The following TENM3 variants were observed in gnomAD, a reference collection of about 807,000 sequenced individuals.
TENM3 encodes teneurin transmembrane protein 3.
Under a neutral mutation model 255.1 loss-of-function variants are expected in TENM3, and 63 were observed. The observed-to-expected ratio is 0.25, with a 90% CI of 0.20 to 0.30. The LOEUF (loss-of-function observed/expected upper bound fraction) is 0.30, where lower values mean the gene tolerates loss of function less well. Ranked by LOEUF, TENM3 falls within the 10% of genes least tolerant of loss-of-function variation. The pLI is 1.00. For missense variants in TENM3, 2,929 were observed against 3,461.1 expected, an observed-to-expected ratio of 0.85 and a Z score of 3.86; for synonymous variants, 1,306 against 1,322.3, an observed-to-expected ratio of 0.99 and a Z score of 0.27.
chr4:182,285,319 A>AT (rs1561280988), intron 1 of TENM3, among the ~76,000 whole-genome samples: 2 of 152,130 alleles, frequency 1.3e-5, no homozygotes, highest in Non-Finnish European at 2.9e-5. Context: ...ATTAACAGTC[A>AT]TATCAATTTG....
the TENM3 span, among the ~76,000 whole-genome samples, chr4:181,677,699 G>C: frequency 6.6e-6 from 1 of 152,142 alleles, no homozygotes; most frequent in African/African-American, 2.4e-5. Flanking sequence ...AGAATTGAAT[G>C]CCTTTTCGTT....
At chr4:181,725,471 T>C in the TENM3 span, among the ~76,000 whole-genome samples, 2 of 151,920 alleles carry the variant, frequency 1.3e-5, no homozygotes, top group East Asian at 3.9e-4. Context: ...GTTTGTTTTT[T>C]TTAGACGGAG....
At chr4:182,617,499 T>A (rs951271190) in intron 4 of TENM3, among the ~76,000 whole-genome samples, 1 of 152,192 alleles carries the variant, frequency 6.6e-6, no homozygotes, top group Non-Finnish European at 1.5e-5. Context: ...AGTCGTTTGA[T>A]GTTGAGGAAA....
chr4:182,665,821 G>A (rs761442778), intron 6 of TENM3, among the ~76,000 whole-genome samples: 8 of 152,076 alleles, frequency 5.3e-5, no homozygotes, highest in African/African-American at 1.2e-4. Context: ...GCATGAACCC[G>A]GGAGGCGGAG....
At chr4:182,591,606 C>A (rs528353933) in intron 3 of TENM3, among the ~76,000 whole-genome samples, 2 of 152,114 alleles carry the variant, frequency 1.3e-5, no homozygotes, top group East Asian at 3.8e-4. Context: ...CAGATATTTA[C>A]GGTGGTGAAA....
chr4:181,967,032 A>G, the TENM3 span, among the ~76,000 whole-genome samples: 1 of 151,618 alleles, frequency 6.6e-6, no homozygotes. Flanking sequence ...TCTAGCATGC[A>G]TGTGCCACAC....
At chr4:182,091,120 G>A in the TENM3 span, among the ~76,000 whole-genome samples, 1 of 152,152 alleles carries the variant, frequency 6.6e-6, no homozygotes, top group Non-Finnish European at 1.5e-5. Flanking sequence ...TCAGAATGGA[G>A]AAAAGTAGAA....
chr4:182,465,145 TC>T (rs1359393426), intron 3 of TENM3, among the ~76,000 whole-genome samples: 1 of 152,234 alleles, frequency 6.6e-6, no homozygotes, highest in East Asian at 1.9e-4. Flanking sequence ...TCTAGTAATG[TC>T]TTTCTTAAGG....
intron 1 of TENM3, among the ~76,000 whole-genome samples, chr4:182,195,586 G>A (rs1466967855): frequency 6.6e-6 from 1 of 152,060 alleles, no homozygotes; most frequent in Non-Finnish European, 1.5e-5. Context: ...GCTGCAGTGG[G>A]CTGTGGTCAC....
At chr4:182,339,448 T>G (rs10520528) in intron 2 of TENM3, among the ~76,000 whole-genome samples, 73,670 of 152,016 alleles carry the variant, frequency 0.48, 18,382 homozygotes, top group Admixed American at 0.61. Flanking sequence ...GCCTAACTGA[T>G]TGTTAACTAA....
At chr4:181,478,370 A>G in the TENM3 span, among the ~76,000 whole-genome samples, 1 of 152,196 alleles carries the variant, frequency 6.6e-6, no homozygotes, top group African/African-American at 2.4e-5. Flanking sequence ...CTTTAAGTGA[A>G]CTCAGAATTT....
intron 12 of TENM3, among the ~76,000 whole-genome samples, chr4:182,713,255 C>T (rs1017511486): frequency 6.6e-6 from 1 of 152,162 alleles, no homozygotes; most frequent in Non-Finnish European, 1.5e-5. Flanking sequence ...ACGTCACTAC[C>T]GTGTTTTTGT....
intron 21 of TENM3, 43 bp downstream of exon 21, chr4:182,753,647 G>T: frequency 6.3e-7 from 1 of 1,594,578 alleles, no homozygotes; most frequent in South Asian, 1.1e-5. Context: ...TCCTCTAGGT[G>T]ACTTGACTTA....
chr4:181,859,237 G>A, the TENM3 span, among the ~76,000 whole-genome samples: 3 of 74,644 alleles, frequency 4.0e-5, no homozygotes, highest in South Asian at 1.2e-3. Flanking sequence ...AGTGAGACTC[G>A]GTCTCAAAAA....
the TENM3 span, among the ~76,000 whole-genome samples, chr4:181,629,487 T>C: frequency 3.9e-5 from 6 of 152,142 alleles, no homozygotes; most frequent in African/African-American, 1.4e-4. Context: ...CATAAATAGC[T>C]CTTATTATTT....
At chr4:181,548,610 T>C in the TENM3 span, among the ~76,000 whole-genome samples, 1 of 152,146 alleles carries the variant, frequency 6.6e-6, no homozygotes, top group Non-Finnish European at 1.5e-5. Context: ...TCAGGAAGCT[T>C]TTTGATGATG....
At chr4:182,005,777 T>C in the TENM3 span, among the ~76,000 whole-genome samples, 1 of 152,120 alleles carries the variant, frequency 6.6e-6, no homozygotes, top group African/African-American at 2.4e-5. Context: ...CTTGAAGAGG[T>C]CCCTCACATC....
intron 3 of TENM3, among the ~76,000 whole-genome samples, chr4:182,585,710 A>G (rs1201600691): frequency 1.3e-5 from 2 of 152,174 alleles, no homozygotes; most frequent in Non-Finnish European, 2.9e-5. Flanking sequence ...GCAGACCAGT[A>G]CGTCACATCT....
the TENM3 span, among the ~76,000 whole-genome samples, chr4:181,883,376 C>T: frequency 6.6e-6 from 1 of 152,118 alleles, no homozygotes; most frequent in African/African-American, 2.4e-5. Context: ...TGAGTATACC[C>T]ATAATACTAC....
Sources: gnomAD v4.1 joint callset for allele counts (sites outside exome capture counted in the v4.1 genomes callset) on GRCh38, gnomAD v4.1.1 for gene constraint, MANE v1.5 for transcripts, NCBI Gene and HGNC (gene_info 2026-07-23, HGNC 2026-07-21) for gene names.